The following CREM variants were observed in gnomAD, a reference collection of about 807,000 sequenced individuals.
CREM encodes the protein cAMP responsive element modulator.
CREM carries 13 observed loss-of-function variants against 37.3 expected under a neutral mutation model. The observed-to-expected ratio is 0.35, with a 90% CI of 0.23 to 0.55. The LOEUF (loss-of-function observed/expected upper bound fraction) is 0.55. Ranked by LOEUF, CREM falls within the 20% of genes least tolerant of loss-of-function variation. CREM has a pLI of 0.88. For missense variants in CREM, 296 were observed against 362.3 expected (o/e 0.82, Z 1.49); for synonymous variants, 124 against 120.2 (o/e 1.03, Z -0.21).
At chr10:35,208,294 T>C (rs947825680) in intron 7 of CREM, among the ~76,000 whole-genome samples, 3 of 152,196 alleles carry the variant, frequency 2.0e-5, no homozygotes, top group Admixed American at 6.5e-5. Flanking sequence ...TCAGCTCTCA[T>C]TTTCTCTCAC....
intron 3 of CREM, among the ~76,000 whole-genome samples, chr10:35,156,315 C>T (rs1256583459): frequency 2.0e-5 from 3 of 151,776 alleles, no homozygotes; most frequent in Non-Finnish European, 4.4e-5. Context: ...GTGATATGAT[C>T]GTGACTCACT....
At chr10:35,180,812 C>T (rs1406385543) in intron 5 of CREM, among the ~76,000 whole-genome samples, 1 of 152,226 alleles carries the variant, frequency 6.6e-6, no homozygotes, top group African/African-American at 2.4e-5. Context: ...CTCGTCCCCC[C>T]GTCCCCAGAG....
intron 6 of CREM, among the ~76,000 whole-genome samples, chr10:35,202,938 C>A (rs2095420381): frequency 1.3e-5 from 2 of 152,176 alleles, no homozygotes; most frequent in Admixed American, 1.3e-4. Context: ...CATTATCTTT[C>A]ATGGTGCCAA....
At position 35,203,454 on chromosome 10, in the gene CREM, G is replaced by A. The variant is rs538120607; in HGVS notation, c.599-3441G>A. ...CACGCCTGTGATCCCAGCACTTTGG[G>A]AGGCTGAGGCAGGTAGATCACGAGG... On this transcript the variant is annotated intron_variant, in intron 6 of 7. Transcript: ENST00000685392. Among the ~76,000 whole-genome samples, 781 of 152,314 alleles carry A rather than the reference G, an allele frequency of 5.1e-3. 5 individuals are homozygous for A. The highest frequency in any genetic ancestry group is 9.7e-3 in the Admixed American group (149 of 15,296).
intron 6 of CREM, among the ~76,000 whole-genome samples, chr10:35,205,217 A>G (rs1044799208): frequency 6.6e-5 from 10 of 152,238 alleles, no homozygotes; most frequent in Non-Finnish European, 1.0e-4. Flanking sequence ...TTTTGAATAT[A>G]AATTAGGAAA....
Position 35,188,258 on chromosome 10 carries a change from G to A in CREM, c.468G>A (p.Gln156=). ...QISNPGSDGV[Q]GLQALTMTNS... ...CTAACCCAGGATCTGATGGTGTTCAGGGACTGCAGGCATTAACAATGACAA... is the reference window on the plus strand; with the variant it reads ...CTAACCCAGGATCTGATGGTGTTCAAGGACTGCAGGCATTAACAATGACAA... The change falls in exon 6 of 8, where the codon CAG becomes CAA. Residue 156 remains glutamine (Q), a synonymous_variant. Transcript: ENST00000685392. 1.2e-6 allele frequency: 2 copies of A among 1,614,172 alleles called. No homozygotes were observed. Among genetic ancestry groups the A allele is most frequent in the Non-Finnish European group, 1.7e-6 (2 of 1,180,030 alleles).
chr10:35,187,579 A>C (rs1407074149), intron 5 of CREM, among the ~76,000 whole-genome samples: 1 of 152,074 alleles, frequency 6.6e-6, no homozygotes, highest in Non-Finnish European at 1.5e-5. Flanking sequence ...CTTAAAAACT[A>C]CTTTCTTTTG....
At chr10:35,160,989 G>T (rs111361221) in intron 3 of CREM, among the ~76,000 whole-genome samples, 1 of 152,110 alleles carries the variant, frequency 6.6e-6, no homozygotes, top group Non-Finnish European at 1.5e-5. Flanking sequence ...GATACTCGCT[G>T]AAAGACCTGC....
chr10:35,209,847 A>G (rs2095624786), intron 7 of CREM, among the ~76,000 whole-genome samples: 1 of 152,192 alleles, frequency 6.6e-6, no homozygotes, highest in African/African-American at 2.4e-5. Flanking sequence ...TAAATTAGTC[A>G]CTATAACATT....
intron 2 of CREM, among the ~76,000 whole-genome samples, chr10:35,143,817 C>T (rs541393949): frequency 2.6e-4 from 39 of 152,254 alleles, no homozygotes; most frequent in African/African-American, 8.7e-4. Flanking sequence ...GGCCAGTCAA[C>T]ATGCTGACCT....
intron 1 of CREM, among the ~76,000 whole-genome samples, chr10:35,129,469 T>C (rs2088872250): frequency 6.6e-6 from 1 of 152,202 alleles, no homozygotes; most frequent in African/African-American, 2.4e-5. Flanking sequence ...TATTAACATA[T>C]ATAAGGAATC....
intron 3 of CREM, 133 bp downstream of exon 3, chr10:35,148,624 G>GT: frequency 9.8e-7 from 1 of 1,019,032 alleles, no homozygotes; most frequent in Non-Finnish European, 1.4e-6. Flanking sequence ...TTATTTGATT[G>GT]TGAAGAAAAG....
At chr10:35,158,051 A>G (rs558172716) in intron 3 of CREM, among the ~76,000 whole-genome samples, 56 of 152,340 alleles carry the variant, frequency 3.7e-4, no homozygotes, top group Admixed American at 7.2e-4. Flanking sequence ...CTGTACATTG[A>G]AAACTATAAA....
At chr10:35,204,892 A>G (rs2095483868) in intron 6 of CREM, among the ~76,000 whole-genome samples, 2 of 152,194 alleles carry the variant, frequency 1.3e-5, no homozygotes, top group South Asian at 4.1e-4. Context: ...CTGACAAAGT[A>G]TTTGTCTCCC....
chr10:35,157,461 G>A (rs1313212312), intron 3 of CREM, among the ~76,000 whole-genome samples: 1 of 151,926 alleles, frequency 6.6e-6, no homozygotes, highest in African/African-American at 2.4e-5. Flanking sequence ...GTGAAAGCCT[G>A]TCTCTACCAG....
intron 7 of CREM, among the ~76,000 whole-genome samples, chr10:35,208,952 G>C (rs537974260): frequency 1.1e-4 from 17 of 152,198 alleles, no homozygotes; most frequent in Non-Finnish European, 2.2e-4. Flanking sequence ...TATTTCTACT[G>C]TGTGTTTAAT....
At chr10:35,134,301 C>CT (rs1274847109) in intron 1 of CREM, among the ~76,000 whole-genome samples, 8 of 152,232 alleles carry the variant, frequency 5.3e-5, no homozygotes, top group African/African-American at 1.9e-4. Context: ...ACTGCAACCT[C>CT]TGCCTCTTGG....
intron 3 of CREM, among the ~76,000 whole-genome samples, chr10:35,155,823 G>A (rs1034346713): frequency 6.6e-6 from 1 of 151,594 alleles, no homozygotes; most frequent in Admixed American, 6.6e-5. Context: ...TAGAGATGGG[G>A]TTTCACCGTG....
rs9336981 is a variant in CREM at position 35,135,721 on chromosome 10, GAAAAA to G, written c.-54-2043_-54-2039del. Among the ~76,000 whole-genome samples the G allele has an allele frequency of 4.9e-4, 25 of 50,568 alleles. No homozygotes were observed. In the South Asian group the frequency reaches 7.8e-3, roughly 16 times the overall value. The allele number at this position is 50,568 out of a possible 152,430, so 33.2% of individuals were successfully genotyped here. A position where few individuals can be genotyped will look rare whatever the true frequency, so the allele number is the denominator to read the frequency against. On this transcript the variant is annotated intron_variant, in intron 1 of 7. Transcript: ENST00000685392. ...GGCAACATAGTGATACCTATTTCTGGAAAAAAAAAAAAAAAAAAAAAAGAGAGACA... is the reference window on the plus strand; with the variant it reads ...GGCAACATAGTGATACCTATTTCTGGAAAAAAAAAAAAAAAAAGAGAGACA...
Sources: allele counts gnomAD v4.1 joint callset (sites outside exome capture counted in the v4.1 genomes callset), GRCh38; gene constraint gnomAD v4.1.1; transcripts MANE v1.5; gene names NCBI Gene and HGNC (gene_info 2026-07-23, HGNC 2026-07-21).